The following RBMS1 variants were observed in gnomAD, a reference collection of about 807,000 sequenced individuals.
The protein encoded by RBMS1 is RNA-binding motif, single-stranded-interacting protein 1.
Under a neutral mutation model 62.3 loss-of-function variants are expected in RBMS1, and 17 were observed. That is an observed-to-expected ratio of 0.27 (90% CI 0.19 to 0.41). The LOEUF (loss-of-function observed/expected upper bound fraction) is 0.41, where lower values mean the gene tolerates loss of function less well. Among genes scored for constraint, RBMS1 ranks in the 10% least tolerant of loss-of-function variants. The pLI is 1.00. For missense variants in RBMS1, 334 were observed against 504.5 expected, an observed-to-expected ratio of 0.66 and a Z score of 3.24; for synonymous variants, 172 against 170.0, an observed-to-expected ratio of 1.01 and a Z score of -0.09.
Position 160,407,882 on chromosome 2 carries a change from C to T in RBMS1, c.76-40491G>A, listed in dbSNP as rs970525058. The T allele has an allele frequency of 2.1e-4, 202 of 981,000 alleles. 3 individuals carry two copies. The highest frequency in any genetic ancestry group is 6.3e-4 in the Admixed American group (10 of 15,884). The allele number at this position is 981,000 out of a possible 1,614,324, so 60.8% of individuals were successfully genotyped here. On this transcript the variant is annotated intron_variant, in intron 1 of 13. Coordinates refer to ENST00000348849, the MANE Select transcript of RBMS1 (RefSeq NM_016836.4). ...AGCAGCGCCGCCGCGTCCCCACCTA[C>T]CGCGGCCTCAACCACCGCCCTGAGA...
chr2:160,345,854 T>C (rs757417641), intron 2 of RBMS1, among the ~76,000 whole-genome samples: 8 of 152,104 alleles, frequency 5.3e-5, no homozygotes, highest in Non-Finnish European at 1.2e-4. Flanking sequence ...CTTATAACGC[T>C]AGATTTAAAA....
rs182702015 is a variant in RBMS1 at position 160,368,302 on chromosome 2, C to T, written c.76-911G>A. 2.6e-5 allele frequency among the ~76,000 whole-genome samples: 4 copies of T among 152,306 alleles called. No homozygotes were observed. The East Asian group carries it at 7.7e-4, about 29-fold the overall frequency. Reference sequence around the variant, plus strand: ...AGGACAGGGACGTTTTTTCACCTCACATTTTCTAAATCATAAATATACTGT... The same window carrying T: ...AGGACAGGGACGTTTTTTCACCTCATATTTTCTAAATCATAAATATACTGT... On this transcript the variant is annotated intron_variant, in intron 1 of 13. Transcript: ENST00000348849.
At chr2:160,358,313 A>G (rs183723821) in intron 2 of RBMS1, among the ~76,000 whole-genome samples, 204 of 152,258 alleles carry the variant, frequency 1.3e-3, no homozygotes, top group African/African-American at 4.8e-3. Context: ...GTGACTCAAC[A>G]TTTTGACTTA....
intron 1 of RBMS1, among the ~76,000 whole-genome samples, chr2:160,380,013 A>C (rs868716867): frequency 1.3e-5 from 2 of 152,144 alleles, no homozygotes; most frequent in Admixed American, 6.6e-5. Flanking sequence ...TTTCATTATA[A>C]ATCTTTTTTC....
rs1403388690 is a variant in RBMS1 at position 160,396,547 on chromosome 2, T to TA, written c.76-29157dup. 1.1e-3 allele frequency among the ~76,000 whole-genome samples: 144 copies of TA among 131,370 alleles called. 1 individual carries two copies. The highest frequency in any genetic ancestry group is 3.8e-3 in the African/African-American group (135 of 35,758). The allele number at this position is 131,370 out of a possible 152,430, so 86.2% of individuals were successfully genotyped here. ...TCTCTCTCCCAGGGACTTTTCTTTT[T>TA]ATCTTTTTTTTTTTTTTTTTTTTTT... On this transcript the variant is annotated intron_variant, in intron 1 of 13. Transcript: ENST00000348849.
intron 1 of RBMS1, among the ~76,000 whole-genome samples, chr2:160,452,667 G>A (rs189271113): frequency 6.6e-6 from 1 of 152,302 alleles, no homozygotes; most frequent in East Asian, 1.9e-4. Flanking sequence ...GGCTTAGAAT[G>A]ACCTTATTAC....
chr2:160,437,230 C>T (rs1340920305), intron 1 of RBMS1, among the ~76,000 whole-genome samples: 1 of 152,218 alleles, frequency 6.6e-6, no homozygotes, highest in Non-Finnish European at 1.5e-5. Flanking sequence ...TCCACCACTG[C>T]CACCTGCTTC....
intron 1 of RBMS1, among the ~76,000 whole-genome samples, chr2:160,383,454 G>GGC (rs1559479799): frequency 5.0e-5 from 1 of 19,960 alleles, no homozygotes; most frequent in African/African-American, 1.3e-4. Flanking sequence ...GACATGAATT[G>GGC]GGGGGGGGGG....
intron 1 of RBMS1, among the ~76,000 whole-genome samples, chr2:160,447,862 A>G (rs531094826): frequency 1.4e-3 from 211 of 152,330 alleles, no homozygotes; most frequent in African/African-American, 4.6e-3. Context: ...GCCCTTGATA[A>G]CCATGGGGAA....
chr2:160,332,896 A>G (rs1178258028), intron 2 of RBMS1, among the ~76,000 whole-genome samples: 2 of 150,176 alleles, frequency 1.3e-5, no homozygotes, highest in Non-Finnish European at 3.0e-5. Context: ...TTATATATAT[A>G]AAACATACTT....
At chr2:160,465,682 C>T (rs1329525421) in intron 1 of RBMS1, among the ~76,000 whole-genome samples, 1 of 152,136 alleles carries the variant, frequency 6.6e-6, no homozygotes, top group Non-Finnish European at 1.5e-5. Context: ...CTCTCTAGGG[C>T]CTTCTCCTGA....
At chr2:160,350,993 G>A (rs906724473) in intron 2 of RBMS1, among the ~76,000 whole-genome samples, 41 of 151,964 alleles carry the variant, frequency 2.7e-4, no homozygotes, top group Admixed American at 2.4e-3. Flanking sequence ...GTTCCTATTC[G>A]CCATAAAAAA....
chr2:160,357,745 T>G (rs774530653), intron 2 of RBMS1, among the ~76,000 whole-genome samples: 14 of 152,122 alleles, frequency 9.2e-5, no homozygotes, highest in Non-Finnish European at 1.6e-4. Context: ...TACACAGCAA[T>G]TTTCAAGAGG....
chr2:160,362,510 G>GGGGA (rs1693182463), intron 2 of RBMS1, among the ~76,000 whole-genome samples: 2 of 152,182 alleles, frequency 1.3e-5, no homozygotes, highest in African/African-American at 4.8e-5. Context: ...GGAGACAGAA[G>GGGGA]GGGAATGACC....
chr2:160,402,445 G>A (rs911058085), intron 1 of RBMS1, among the ~76,000 whole-genome samples: 5 of 152,092 alleles, frequency 3.3e-5, no homozygotes, highest in African/African-American at 1.2e-4. Flanking sequence ...CCTGAGAGAG[G>A]GCTGCTAGAT....
chr2:160,330,628 T>G (rs1691215624), intron 2 of RBMS1, among the ~76,000 whole-genome samples: 1 of 151,700 alleles, frequency 6.6e-6, no homozygotes, highest in Admixed American at 6.6e-5. Flanking sequence ...GTTTTTTTTT[T>G]TTGTTTGTTT....
intron 1 of RBMS1, among the ~76,000 whole-genome samples, chr2:160,400,273 G>A (rs1419190426): frequency 1.3e-5 from 2 of 150,614 alleles, no homozygotes; most frequent in African/African-American, 4.9e-5. Flanking sequence ...TTCAAAAAGG[G>A]AAAAGCTTGC....
At chr2:160,477,383 T>G (rs1263778403) in intron 1 of RBMS1, among the ~76,000 whole-genome samples, 1 of 152,150 alleles carries the variant, frequency 6.6e-6, no homozygotes, top group Non-Finnish European at 1.5e-5. Flanking sequence ...TAAAAAAATT[T>G]TATATACTTG....
intron 2 of RBMS1, among the ~76,000 whole-genome samples, chr2:160,331,643 T>A (rs1691280369): frequency 6.6e-6 from 1 of 152,196 alleles, no homozygotes; most frequent in African/African-American, 2.4e-5. Context: ...TTTTCTACAT[T>A]GAATGCAATT....
Sources: allele counts gnomAD v4.1 joint callset (sites outside exome capture counted in the v4.1 genomes callset), GRCh38; gene constraint gnomAD v4.1.1; transcripts MANE v1.5; gene names NCBI Gene and HGNC (gene_info 2026-07-23, HGNC 2026-07-21).